Variants in MAGI1 observed in about 807,000 individuals in gnomAD.
MAGI1 encodes the protein membrane-associated guanylate kinase, WW and PDZ domain-containing protein 1.
A neutral mutation model predicts 139.9 loss-of-function variants in MAGI1; 58 were observed. The observed-to-expected ratio is 0.41, with a 90% CI of 0.34 to 0.52. The LOEUF (loss-of-function observed/expected upper bound fraction) is 0.52, where lower values mean the gene tolerates loss of function less well. MAGI1 is among the 20% of genes least tolerant of loss of function. The probability of loss-of-function intolerance (pLI) is 0.12; values close to 1 mark genes in which losing one functional copy is unlikely to be tolerated. For missense variants in MAGI1, 1,874 were observed against 1,901.6 expected, an observed-to-expected ratio of 0.99 and a Z score of 0.27; for synonymous variants, 812 against 737.9, an observed-to-expected ratio of 1.10 and a Z score of -1.63.
chr3:66,022,144 T>A (rs1428339188), intron 1 of MAGI1, among the ~76,000 whole-genome samples: 1 of 152,238 alleles, frequency 6.6e-6, no homozygotes, highest in Non-Finnish European at 1.5e-5. Context: ...TACAACCAGC[T>A]GTCTTATTCC....
intron 1 of MAGI1, among the ~76,000 whole-genome samples, chr3:65,730,010 G>A (rs2034023653): frequency 6.6e-6 from 1 of 152,030 alleles, no homozygotes; most frequent in Admixed American, 6.6e-5. Flanking sequence ...ATTAAAATTT[G>A]GCCACACATA....
intron 1 of MAGI1, among the ~76,000 whole-genome samples, chr3:65,947,031 C>T (rs60320836): frequency 0.035 from 5,341 of 152,198 alleles, 294 homozygotes; most frequent in African/African-American, 0.12. Context: ...AATGTCAAGG[C>T]AAATTTGTTT....
intron 2 of MAGI1, among the ~76,000 whole-genome samples, chr3:65,573,556 ACTC>A (rs1018189374): frequency 6.6e-6 from 1 of 151,776 alleles, no homozygotes; most frequent in Non-Finnish European, 1.5e-5. Context: ...TAAAAAAAAA[ACTC>A]CTGGTAATCT....
chr3:65,608,080 G>A (rs929949086), intron 2 of MAGI1, among the ~76,000 whole-genome samples: 1 of 152,278 alleles, frequency 6.6e-6, no homozygotes, highest in South Asian at 2.1e-4. Flanking sequence ...CAGCCAATAA[G>A]CAATAGAATC....
intron 2 of MAGI1, among the ~76,000 whole-genome samples, chr3:65,580,922 A>T (rs2108122605): frequency 6.6e-6 from 1 of 152,222 alleles, no homozygotes; most frequent in South Asian, 2.1e-4. Context: ...TTAAACAATT[A>T]TCTTCCCCTT....
At chr3:66,015,619 T>C (rs917991272) in intron 1 of MAGI1, among the ~76,000 whole-genome samples, 15 of 152,190 alleles carry the variant, frequency 9.9e-5, no homozygotes, top group Admixed American at 3.3e-4. Context: ...ATATGCTAGA[T>C]ATTCTATAGC....
chr3:65,466,152 A>G (rs1020406628), intron 5 of MAGI1, among the ~76,000 whole-genome samples: 1 of 152,128 alleles, frequency 6.6e-6, no homozygotes, highest in Non-Finnish European at 1.5e-5. Flanking sequence ...TGGCTTAAGC[A>G]TGGTATAACT....
chr3:65,621,936 C>T, intron 2 of MAGI1, 36 bp downstream of exon 2: 1 of 1,443,042 alleles, frequency 6.9e-7, no homozygotes. Context: ...CACACACACA[C>T]ACACAGCAGT....
intron 1 of MAGI1, among the ~76,000 whole-genome samples, chr3:65,627,506 T>TTTTTTTTTTTTTTTTTTTTTG (rs2084039595): frequency 9.4e-6 from 1 of 105,822 alleles, no homozygotes; most frequent in Non-Finnish European, 1.9e-5. Context: ...TTTTTTTTTT[T>TTTTTTTTTTTTTTTTTTTTTG]TTTTTTTTTT....
At position 65,381,971 on chromosome 3, in the gene MAGI1, A is replaced by C. The variant is rs1415250730; in HGVS notation, c.2607T>G (p.Ile869Met). 14 of 1,614,030 alleles carry C rather than the reference A, an allele frequency of 8.7e-6. No homozygotes were observed. The highest frequency in any genetic ancestry group is 1.2e-5 in the Non-Finnish European group (14 of 1,180,018). Residue 869 changes from isoleucine to methionine, a missense_variant, in exon 16 of 23, where the codon ATT becomes ATG. Physicochemically the swap from Ile to Met is conservative, Grantham distance 10 (BLOSUM62 1). Coordinates refer to ENST00000402939, the MANE Select transcript of MAGI1 (RefSeq NM_001033057.2). ...ELICVDGTPVIGKSHQLVVQL... is the reference protein window; with the variant it reads ...ELICVDGTPVMGKSHQLVVQL... Reference sequence around the variant, plus strand: ...GGACCACAAGCTGGTGTGATTTTCCAATTACTGGCGTCCCATCCACACAGA... The same window carrying C: ...GGACCACAAGCTGGTGTGATTTTCCCATTACTGGCGTCCCATCCACACAGA...
intron 13 of MAGI1, among the ~76,000 whole-genome samples, chr3:65,395,398 T>C (rs1211304323): frequency 6.6e-6 from 1 of 151,636 alleles, no homozygotes; most frequent in East Asian, 1.9e-4. Context: ...TCCCAGCACT[T>C]TGGGAGGCCG....
intron 1 of MAGI1, among the ~76,000 whole-genome samples, chr3:65,939,096 T>G (rs187237163): frequency 6.6e-6 from 1 of 152,242 alleles, no homozygotes; most frequent in East Asian, 1.9e-4. Flanking sequence ...GAAAAACACA[T>G]AAACTAGTTT....
intron 1 of MAGI1, among the ~76,000 whole-genome samples, chr3:65,851,246 C>T (rs1414487110): frequency 6.6e-6 from 1 of 152,166 alleles, no homozygotes; most frequent in Non-Finnish European, 1.5e-5. Context: ...ATATCCACAT[C>T]AGGATTGTTG....
chr3:65,681,053 T>C (rs1202937713), intron 1 of MAGI1, among the ~76,000 whole-genome samples: 1 of 152,238 alleles, frequency 6.6e-6, no homozygotes, highest in South Asian at 2.1e-4. Context: ...TCAATATCTA[T>C]AGTGGGGCTT....
intron 12 of MAGI1, among the ~76,000 whole-genome samples, chr3:65,421,193 C>A (rs1946610883): frequency 6.6e-6 from 1 of 152,112 alleles, no homozygotes; most frequent in South Asian, 2.1e-4. Context: ...CAAATAAAAT[C>A]CCTGATAACT....
chr3:65,878,207 C>T (rs1177374955), intron 1 of MAGI1, among the ~76,000 whole-genome samples: 1 of 152,074 alleles, frequency 6.6e-6, no homozygotes, highest in Non-Finnish European at 1.5e-5. Context: ...GGCTTCAAGT[C>T]AAAAGTTGGA....
chr3:65,820,336 G>T lies in MAGI1; in HGVS notation c.314-198248C>A, dbSNP rs531550188. ...AGCTTGTTCATTCATTATCCTCTGA[G>T]ATTTATCCAGGATTTCTTGCTGTTT... On this transcript the variant is annotated intron_variant, in intron 1 of 22. Transcript: ENST00000402939. 9.7e-4 allele frequency among the ~76,000 whole-genome samples: 148 copies of T among 152,232 alleles called. 1 individual carries two copies. The highest frequency in any genetic ancestry group is 3.5e-3 in the African/African-American group (144 of 41,534).
At chr3:65,525,283 GC>G (rs1423380732) in intron 2 of MAGI1, among the ~76,000 whole-genome samples, 11 of 152,146 alleles carry the variant, frequency 7.2e-5, no homozygotes, top group Admixed American at 3.3e-4. Context: ...CTGCAACTCT[GC>G]TTCAATATGA....
chr3:65,631,683 T>C (rs2084312706), intron 1 of MAGI1, among the ~76,000 whole-genome samples: 2 of 152,168 alleles, frequency 1.3e-5, no homozygotes, highest in South Asian at 4.1e-4. Context: ...CCAAAGTAGG[T>C]ACGTAAACTC....
Sources: allele counts gnomAD v4.1 joint callset (sites outside exome capture counted in the v4.1 genomes callset), GRCh38; gene constraint gnomAD v4.1.1; transcripts MANE v1.5; gene names NCBI Gene and HGNC (gene_info 2026-07-23, HGNC 2026-07-21).